Variants in PUM2 observed in about 807,000 individuals in gnomAD.
PUM2 encodes the protein pumilio RNA binding family member 2.
In PUM2, 57 loss-of-function variants were observed where a neutral mutation model predicts 124.5. The ratio of observed to expected loss-of-function variants is 0.46; its 90% confidence interval spans 0.37 to 0.57. The LOEUF is 0.57. Ranked by LOEUF, PUM2 falls within the 20% of genes least tolerant of loss-of-function variation. The pLI, the probability that PUM2 is intolerant of heterozygous loss-of-function variation, is 0.00. For missense variants in PUM2, 1,065 were observed against 1,290.6 expected, an observed-to-expected ratio of 0.83 and a Z score of 2.68; for synonymous variants, 460 against 446.1, an observed-to-expected ratio of 1.03 and a Z score of -0.39.
chr2:20,345,089 C>CTTTT (rs768667526), intron 1 of PUM2, among the ~76,000 whole-genome samples: 10 of 129,398 alleles, frequency 7.7e-5, no homozygotes, highest in Non-Finnish European at 1.3e-4. Flanking sequence ...GCACTTTTTT[C>CTTTT]TTTTTTTTTT....
At chr2:20,298,836 C>T (rs1043028744) in intron 7 of PUM2, among the ~76,000 whole-genome samples, 1 of 152,168 alleles carries the variant, frequency 6.6e-6, no homozygotes, top group Non-Finnish European at 1.5e-5. Context: ...GAGACTCCGT[C>T]TCAGAATAAT....
intron 1 of PUM2, among the ~76,000 whole-genome samples, chr2:20,348,686 C>G (rs78226075): frequency 0.031 from 4,746 of 152,112 alleles, 107 homozygotes; most frequent in Non-Finnish European, 0.047. Context: ...TCCCGGCACT[C>G]TGGGAGGGCG....
At chr2:20,351,647 A>G (rs971579622), upstream of PUM2, among the ~76,000 whole-genome samples, 2 of 152,238 alleles carry the variant, frequency 1.3e-5, no homozygotes, top group African/African-American at 4.8e-5. Context: ...TGGTGATTCC[A>G]GGATTCTAAC....
chr2:20,346,845 T>C (rs1027061262), intron 1 of PUM2, among the ~76,000 whole-genome samples: 24 of 152,226 alleles, frequency 1.6e-4, no homozygotes, highest in Non-Finnish European at 5.9e-5. Flanking sequence ...ACCAAGTCCC[T>C]TCCAGGAAAC....
Position 20,260,431 on chromosome 2 carries a change from G to C in PUM2, c.2261C>G (p.Ala754Gly). ...TTCATTAAATACCATCTGTCGCTCA[G>C]CTGGAGTAGCTCTCTCTAGTTTTTG... ...IQQKLERATP[A>G]ERQMVFNEIL... The change falls in exon 15 of 21, where the codon GCT becomes GGT. Residue 754 changes from alanine (A) to glycine (G), a missense_variant. Ala to Gly is a moderately conservative substitution (Grantham distance 60). This residue lies in a region of PUM2 where 968 missense variants were observed against 1,159.8 expected (regional missense o/e 0.83). Transcript: ENST00000361078. The C allele has an allele frequency of 6.2e-7, 1 of 1,610,102 alleles. No homozygotes were observed. Among genetic ancestry groups the C allele is most frequent in the Non-Finnish European group, 8.5e-7 (1 of 1,176,724 alleles).
At chr2:20,317,635 C>CA (rs1319726725) in intron 3 of PUM2, among the ~76,000 whole-genome samples, 8 of 151,914 alleles carry the variant, frequency 5.3e-5, no homozygotes, top group Non-Finnish European at 8.8e-5. Context: ...GTTTGGTGTA[C>CA]AGATTATTTC....
chr2:20,299,510 A>G (rs1572796630), intron 7 of PUM2, among the ~76,000 whole-genome samples: 1 of 152,112 alleles, frequency 6.6e-6, no homozygotes, highest in African/African-American at 2.4e-5. Context: ...TCTGCTAAAA[A>G]TATAAAAATT....
chr2:20,300,466 A>G (rs976278407), intron 7 of PUM2, among the ~76,000 whole-genome samples: 2 of 152,144 alleles, frequency 1.3e-5, no homozygotes, highest in East Asian at 1.9e-4. Context: ...AAATTTTAAG[A>G]GCACCGTGGC....
chr2:20,252,314 A>C (rs1490674290), intron 20 of PUM2, among the ~76,000 whole-genome samples: 1 of 152,188 alleles, frequency 6.6e-6, no homozygotes, highest in Non-Finnish European at 1.5e-5. Context: ...AAGGAGACTA[A>C]AGTGGGAGGA....
At chr2:20,345,279 T>G (rs1437534775) in intron 1 of PUM2, among the ~76,000 whole-genome samples, 1 of 151,848 alleles carries the variant, frequency 6.6e-6, no homozygotes, top group African/African-American at 2.4e-5. Context: ...CCAGACTAAT[T>G]TTTTAATTTT....
At position 20,290,695 on chromosome 2, in the gene PUM2, A is replaced by C; in HGVS notation, c.1248T>G (p.Asn416Lys). ...AESLAAAAAA[N>K]PTLAFGQGLA... ...GACCCTGACCAAAAGCCAATGTTGGATTTGCTGCTGCAGCTGCCGCAAGTG... is the reference window on the plus strand; with the variant it reads ...GACCCTGACCAAAAGCCAATGTTGGCTTTGCTGCTGCAGCTGCCGCAAGTG... The change falls in exon 10 of 21, where the codon AAT (asparagine) becomes AAG (lysine). Residue 416 changes from asparagine to lysine, a missense_variant. Coordinates refer to ENST00000361078, the MANE Select transcript of PUM2 (RefSeq NM_015317.5). The C allele has an allele frequency of 6.2e-7, 1 of 1,613,286 alleles. No homozygotes were observed. The highest frequency in any genetic ancestry group is 8.5e-7 in the Non-Finnish European group (1 of 1,179,836).
chr2:20,315,853 A>C (rs1308587901), intron 3 of PUM2, among the ~76,000 whole-genome samples: 3 of 151,414 alleles, frequency 2.0e-5, no homozygotes, highest in East Asian at 1.9e-4. Flanking sequence ...AAAAAAAAAA[A>C]AAAAACAAAC....
intron 20 of PUM2, among the ~76,000 whole-genome samples, chr2:20,253,255 G>C (rs1215085245): frequency 2.0e-5 from 3 of 152,162 alleles, no homozygotes; most frequent in African/African-American, 4.8e-5. Flanking sequence ...GCCCAGACTG[G>C]AGTGCACTGG....
At chr2:20,343,007 T>C (rs1016919465) in intron 1 of PUM2, among the ~76,000 whole-genome samples, 2 of 152,152 alleles carry the variant, frequency 1.3e-5, no homozygotes, top group Non-Finnish European at 2.9e-5. Context: ...TCACCCAGGC[T>C]AGAGTGCGGT....
At chr2:20,304,576 GGA>G (rs1302331333) in intron 7 of PUM2, among the ~76,000 whole-genome samples, 1 of 152,158 alleles carries the variant, frequency 6.6e-6, no homozygotes, top group African/African-American at 2.4e-5. Flanking sequence ...CCAGCACAGT[GGA>G]GTGGTCGTGA....
intron 20 of PUM2, among the ~76,000 whole-genome samples, chr2:20,252,903 T>A (rs1419292711): frequency 1.3e-5 from 2 of 152,238 alleles, no homozygotes; most frequent in Non-Finnish European, 2.9e-5. Flanking sequence ...TTAAACAGAT[T>A]TTTTACTTAT....
chr2:20,347,383 A>T (rs1188004974), intron 1 of PUM2, among the ~76,000 whole-genome samples: 4 of 152,216 alleles, frequency 2.6e-5, no homozygotes, highest in African/African-American at 9.7e-5. Flanking sequence ...AAAGTCACTA[A>T]GGAAAAAAAA....
upstream of PUM2, among the ~76,000 whole-genome samples, chr2:20,351,082 C>T (rs975830684): frequency 6.6e-6 from 1 of 152,184 alleles, no homozygotes; most frequent in African/African-American, 2.4e-5. Flanking sequence ...GGCTCCGCCG[C>T]GGCGGGCTCG....
Position 20,294,487 on chromosome 2 carries a change from G to A in PUM2, c.1041C>T (p.Gly347=), listed in dbSNP as rs747250012. Residue 347 remains glycine (G), a synonymous_variant, in exon 9 of 21, where the codon GGC becomes GGT. Transcript: ENST00000361078. ...GPAVVPPQYY[G]VPWGVYPANL... ...TGGCTGGATACACCCCCCATGGAACGCCGTAATACTGAGGTGGAACCACTG... is the reference window on the plus strand; with the variant it reads ...TGGCTGGATACACCCCCCATGGAACACCGTAATACTGAGGTGGAACCACTG... 8.7e-6 allele frequency: 14 copies of A among 1,613,880 alleles called. No individual in the cohort carries two copies. Among genetic ancestry groups the A allele is most frequent in the Admixed American group, 5.0e-5 (3 of 59,958 alleles).
Sources: gnomAD v4.1 joint callset for allele counts (sites outside exome capture counted in the v4.1 genomes callset) on GRCh38, gnomAD v4.1.1 for gene constraint, gnomAD v4.1.1 regional missense constraint, MANE v1.5 for transcripts, NCBI Gene and HGNC (gene_info 2026-07-23, HGNC 2026-07-21) for gene names.